The following UBE2N variants were observed in gnomAD, a reference collection of about 807,000 sequenced individuals.
The protein encoded by UBE2N is ubiquitin conjugating enzyme E2 N, also known as ubiquitin-conjugating enzyme E2 N.
For synonymous variants in UBE2N, 70 were observed against 69.2 expected (o/e 1.01, Z -0.06); for missense variants, 60 against 192.1 (o/e 0.31, Z 4.07).
intron 1 of UBE2N, among the ~76,000 whole-genome samples, chr12:93,432,770 T>C (rs1367313245): frequency 6.6e-6 from 1 of 152,152 alleles, no homozygotes; most frequent in African/African-American, 2.4e-5. Context: ...CCAGTTGTTT[T>C]AATGCAAAAT....
rs143695178 is a variant in UBE2N, at chr12:93,441,788, C to T, written c.30+67G>A. The T allele has an allele frequency of 6.8e-4, 1,056 of 1,562,766 alleles. 10 individuals are homozygous for T. In the East Asian group the frequency reaches 0.019, roughly 28 times the overall value. ...CCGCGGGCCGAAGGAGGCGAGAGGC[C>T]GCGCTGCCTGCCCAGCTGAGCCGAC... On this transcript the variant is annotated intron_variant, in intron 1 of 3. Coordinates refer to ENST00000318066, the MANE Select transcript of UBE2N (RefSeq NM_003348.4).
intron 1 of UBE2N, among the ~76,000 whole-genome samples, chr12:93,440,387 C>T (rs1879064195): frequency 6.6e-6 from 1 of 152,228 alleles, no homozygotes; most frequent in Admixed American, 6.5e-5. Context: ...TGAAGATTCA[C>T]ATTATTAGAC....
rs1419203716 is a variant in UBE2N at position 93,407,544 on chromosome 12, T to G, written c.*2495A>C. ...TGGAGAGTAACTGGTGAGAAGACAA[T>G]GACATGCTCTTAGGGTGTCTGCTAC... On this transcript the variant is annotated 3_prime_UTR_variant, in exon 4 of 4. Coordinates refer to ENST00000318066, the MANE Select transcript of UBE2N (RefSeq NM_003348.4). The G allele has an allele frequency of 3.3e-5, 5 of 152,210 alleles. No homozygotes were observed. The highest frequency in any genetic ancestry group is 4.4e-5 in the Non-Finnish European group (3 of 68,058). 9.4% of individuals were successfully genotyped at this position (152,210 alleles called of 1,614,324 possible). A position where few individuals can be genotyped will look rare whatever the true frequency, so the allele number is the denominator to read the frequency against.
At chr12:93,427,881 A>C (rs1878643295) in intron 1 of UBE2N, among the ~76,000 whole-genome samples, 1 of 152,190 alleles carries the variant, frequency 6.6e-6, no homozygotes, top group Non-Finnish European at 1.5e-5. Context: ...CTATTACTTG[A>C]CTATTTAGTA....
chr12:93,441,627 T>C (rs1008844498), intron 1 of UBE2N, among the ~76,000 whole-genome samples: 2 of 151,854 alleles, frequency 1.3e-5, no homozygotes, highest in African/African-American at 4.8e-5. Context: ...GGCAGCCGCC[T>C]GGAAGCCCCG....
rs896711640 is a variant in UBE2N at position 93,408,797 on chromosome 12, T to C, written c.*1242A>G. The C allele has an allele frequency of 6.6e-6, 1 of 152,362 alleles. No homozygotes were observed. Among genetic ancestry groups the C allele is most frequent in the Admixed American group, 6.5e-5 (1 of 15,270 alleles). 9.4% of individuals were successfully genotyped at this position (152,362 alleles called of 1,614,324 possible). Reference sequence around the variant, plus strand: ...TAAACCTTTCTGATGACACACAAGCTAGATAGTTGAGATCTGCTCATCAGG... The same window carrying C: ...TAAACCTTTCTGATGACACACAAGCCAGATAGTTGAGATCTGCTCATCAGG... On this transcript the variant is annotated 3_prime_UTR_variant, in exon 4 of 4. Transcript: ENST00000318066.
At chr12:93,427,570 G>C (rs2121084301) in intron 1 of UBE2N, among the ~76,000 whole-genome samples, 1 of 152,326 alleles carries the variant, frequency 6.6e-6, no homozygotes, top group African/African-American at 2.4e-5. Flanking sequence ...GAATTGGAAA[G>C]CAGATAAATG....
At chr12:93,417,076 G>A (rs768848172) in intron 1 of UBE2N, among the ~76,000 whole-genome samples, 1 of 152,168 alleles carries the variant, frequency 6.6e-6, no homozygotes, top group Non-Finnish European at 1.5e-5. Flanking sequence ...CTATGTTCAG[G>A]AAGTTAGTTA....
At chr12:93,419,771 G>T (rs547432950) in intron 1 of UBE2N, among the ~76,000 whole-genome samples, 79 of 152,284 alleles carry the variant, frequency 5.2e-4, no homozygotes, top group Non-Finnish European at 9.4e-4. Context: ...ACCAAAGTTA[G>T]CACCTACCTA....
At chr12:93,437,602 G>A (rs975790694) in intron 1 of UBE2N, among the ~76,000 whole-genome samples, 1 of 152,130 alleles carries the variant, frequency 6.6e-6, no homozygotes, top group African/African-American at 2.4e-5. Flanking sequence ...TTTGAGACCA[G>A]CATGGCCAAC....
intron 1 of UBE2N, among the ~76,000 whole-genome samples, chr12:93,425,654 T>A (rs1477859042): frequency 4.6e-5 from 7 of 152,052 alleles, no homozygotes; most frequent in Admixed American, 4.6e-4. Flanking sequence ...TTCAAGAACT[T>A]CCAAAAATAG....
rs186454952 is a variant in UBE2N at position 93,410,266 on chromosome 12, T to C, written c.419-187A>G. The C allele has an allele frequency of 3.2e-5, 18 of 555,982 alleles. No individual in the cohort carries two copies. The East Asian group carries it at 3.6e-4, about 11-fold the overall frequency. 34.4% of individuals were successfully genotyped at this position (555,982 alleles called of 1,614,324 possible). On this transcript the variant is annotated intron_variant, in intron 3 of 3. Transcript: ENST00000318066. ...TGTAAATGTCCAATTACCAAAACAC[T>C]ACAATAAAATTAAGAAGTTCTAGAA...
chr12:93,420,418 T>A (rs12821477), intron 1 of UBE2N, among the ~76,000 whole-genome samples: 1,829 of 152,302 alleles, frequency 0.012, 33 homozygotes, highest in Non-Finnish European at 0.015. Flanking sequence ...ATATATAATC[T>A]GAGATACATC....
Position 93,411,110 on chromosome 12 carries a change from T to G in UBE2N, c.220A>C (p.Lys74Gln), listed in dbSNP as rs1420979178. ...MAAPKVRFMT[K>Q]IYHPNVDKLG... ...TTGTCTACATTAGGATGATAAATTTTGGTCATGAAACGTACTTTAGGGGCT... is the reference window on the plus strand; with the variant it reads ...TTGTCTACATTAGGATGATAAATTTGGGTCATGAAACGTACTTTAGGGGCT... Residue 74 changes from lysine (K) to glutamine (Q), a missense_variant, in exon 2 of 4, where the codon AAA becomes CAA. Physicochemically the swap from Lys to Gln is moderately conservative, Grantham distance 53. Coordinates refer to ENST00000318066, the MANE Select transcript of UBE2N (RefSeq NM_003348.4). 1.2e-6 allele frequency: 2 copies of G among 1,614,236 alleles called. No homozygotes were observed. The highest frequency in any genetic ancestry group is 2.2e-5 in the South Asian group (2 of 91,090).
At chr12:93,432,485 A>AC (rs1408944776) in intron 1 of UBE2N, among the ~76,000 whole-genome samples, 1 of 151,464 alleles carries the variant, frequency 6.6e-6, no homozygotes, top group East Asian at 1.9e-4. Context: ...ACAAAAAAAA[A>AC]AAAACAAAAC....
chr12:93,441,785 G>C (rs1879123149), intron 1 of UBE2N, 70 bp downstream of exon 1: 1 of 1,560,918 alleles, frequency 6.4e-7, no homozygotes, highest in African/African-American at 1.4e-5. Context: ...GGAGGCGAGA[G>C]GCCGCGCTGC....
intron 1 of UBE2N, among the ~76,000 whole-genome samples, chr12:93,422,946 T>A (rs1878463261): frequency 6.6e-6 from 1 of 152,222 alleles, no homozygotes; most frequent in Non-Finnish European, 1.5e-5. Flanking sequence ...AAGAAAAACT[T>A]ACCCGTGGTC....
intron 1 of UBE2N, among the ~76,000 whole-genome samples, chr12:93,429,653 A>G (rs1878699400): frequency 2.6e-5 from 4 of 152,076 alleles, no homozygotes; most frequent in Admixed American, 2.6e-4. Flanking sequence ...AGGAGATGAC[A>G]GCTCCATGTG....
At position 93,426,390 on chromosome 12, in the gene UBE2N, CAAAAAAA is replaced by C. The variant is rs57644203; in HGVS notation, c.31-15098_31-15092del. Among the ~76,000 whole-genome samples the C allele has an allele frequency of 1.2e-4, 12 of 101,224 alleles. No individual in the cohort carries two copies. In the East Asian group the frequency reaches 3.0e-3, roughly 25 times the overall value. The allele number at this position is 101,224 out of a possible 152,430, so 66.4% of individuals were successfully genotyped here. On this transcript the variant is annotated intron_variant, in intron 1 of 3. Transcript: ENST00000318066. Reference sequence around the variant, plus strand: ...CAATGTTATTATGTGAAACTGCATCCAAAAAAAAAAAAAAAAAAGCTACAAAGTCATA... The same window carrying C: ...CAATGTTATTATGTGAAACTGCATCCAAAAAAAAAAAGCTACAAAGTCATA...
Sources: allele counts gnomAD v4.1 joint callset (sites outside exome capture counted in the v4.1 genomes callset), GRCh38; gene constraint gnomAD v4.1.1; transcripts MANE v1.5; gene names NCBI Gene and HGNC (gene_info 2026-07-23, HGNC 2026-07-21).